The following DDC variants were observed in gnomAD, a reference collection of about 807,000 sequenced individuals.
The protein encoded by DDC is aromatic-L-amino-acid decarboxylase.
In DDC, 43 loss-of-function variants were observed where a neutral mutation model predicts 60.0. The observed-to-expected ratio is 0.72, with a 90% CI of 0.56 to 0.92. The LOEUF is 0.92. Among genes scored for constraint, DDC ranks in the 40% least tolerant of loss-of-function variants. The pLI, the probability that DDC is intolerant of heterozygous loss-of-function variation, is 0.00. For synonymous variants in DDC, 232 were observed against 234.6 expected (o/e 0.99, Z 0.10); for missense variants, 573 against 620.2 (o/e 0.92, Z 0.81).
chr7:50,518,704 G>A (rs780398839), intron 6 of DDC, among the ~76,000 whole-genome samples: 10 of 152,148 alleles, frequency 6.6e-5, no homozygotes, highest in South Asian at 2.1e-4. Flanking sequence ...GAATGAAACC[G>A]CATCCTCATC....
At position 50,463,256 on chromosome 7, in the gene DDC, T is replaced by G; in HGVS notation, c.1418A>C (p.Asp473Ala). The G allele has an allele frequency of 6.2e-7, 1 of 1,613,874 alleles. No individual in the cohort carries two copies. The highest frequency in any genetic ancestry group is 8.5e-7 in the Non-Finnish European group (1 of 1,179,908). Reference protein sequence around the residue: ...AWEHIKELAADVLRAERE With the variant: ...AWEHIKELAAAVLRAERE ...CTACTCCCTCTCTGCTCGCAGCACG[T>G]CGGCCGCCAGCTCTTTGATGTGTTC... is the stretch of plus-strand genomic sequence containing the variant. Residue 473 changes from aspartate to alanine, a missense_variant, in exon 14 of 15, where the codon GAC (aspartate) becomes GCC (alanine). Physicochemically the swap from Asp to Ala is moderately radical, Grantham distance 126 (BLOSUM62 -2). Transcript: ENST00000444124.
intron 1 of DDC, among the ~76,000 whole-genome samples, chr7:50,559,444 T>TTTG (rs3071145): frequency 1.3e-5 from 2 of 149,952 alleles, no homozygotes; most frequent in East Asian, 3.9e-4. Context: ...TTTTTTTTTT[T>TTTG]GGAGACAGAG....
intron 6 of DDC, among the ~76,000 whole-genome samples, chr7:50,524,773 T>TA (rs1436185322): frequency 6.6e-6 from 1 of 152,160 alleles, no homozygotes; most frequent in Non-Finnish European, 1.5e-5. Context: ...GTTTCTTTGT[T>TA]AAAAAAATTA....
chr7:50,539,819 C>A (rs1341811977), intron 3 of DDC, 96 bp downstream of exon 3: 2 of 886,486 alleles, frequency 2.3e-6, no homozygotes, highest in Non-Finnish European at 3.7e-6. Flanking sequence ...GACAGCACCG[C>A]CATCTGCTCA....
chr7:50,534,802 C>T (rs1283790498), intron 4 of DDC, among the ~76,000 whole-genome samples: 1 of 152,208 alleles, frequency 6.6e-6, no homozygotes, highest in Non-Finnish European at 1.5e-5. Context: ...CACTGGGTCG[C>T]TGAGTGCTGC....
chr7:50,553,980 G>T (rs1192486626), intron 1 of DDC, among the ~76,000 whole-genome samples: 4 of 152,140 alleles, frequency 2.6e-5, no homozygotes, highest in Non-Finnish European at 5.9e-5. Flanking sequence ...TAAGACTCTG[G>T]TTACACAACA....
intron 1 of DDC, among the ~76,000 whole-genome samples, chr7:50,559,959 GA>G (rs1323617446): frequency 3.3e-5 from 5 of 152,232 alleles, no homozygotes; most frequent in African/African-American, 1.2e-4. Context: ...GCTGTGTGTA[GA>G]CGCCCACCTA....
At chr7:50,552,274 T>C (rs1434388194) in intron 1 of DDC, among the ~76,000 whole-genome samples, 2 of 152,236 alleles carry the variant, frequency 1.3e-5, no homozygotes, top group Non-Finnish European at 1.5e-5. Flanking sequence ...ACTTAGCCTA[T>C]GATAAAGGCT....
chr7:50,479,894 T>G, intron 9 of DDC, 31 bp from the exon 10 acceptor site: 1 of 1,583,144 alleles, frequency 6.3e-7, no homozygotes, highest in Non-Finnish European at 8.7e-7. Flanking sequence ...AAAGGGCTGA[T>G]AACCAAGTAC....
intron 1 of DDC, among the ~76,000 whole-genome samples, chr7:50,560,690 A>G (rs1237053867): frequency 6.6e-6 from 1 of 152,124 alleles, no homozygotes; most frequent in Non-Finnish European, 1.5e-5. Flanking sequence ...TCACTTAGTT[A>G]TGTTGCTGTC....
At chr7:50,490,523 A>T (rs190334826) in intron 9 of DDC, among the ~76,000 whole-genome samples, 21 of 152,168 alleles carry the variant, frequency 1.4e-4, no homozygotes, top group Non-Finnish European at 2.8e-4. Flanking sequence ...ACAAAAAATT[A>T]GGCAGGCGTG....
At chr7:50,494,206 T>C (rs2043070830) in intron 9 of DDC, among the ~76,000 whole-genome samples, 1 of 152,230 alleles carries the variant, frequency 6.6e-6, no homozygotes, top group African/African-American at 2.4e-5. Context: ...GGTATTATCA[T>C]GCTGTTATTA....
intron 9 of DDC, among the ~76,000 whole-genome samples, chr7:50,482,735 T>C (rs2042796996): frequency 1.3e-5 from 2 of 152,212 alleles, no homozygotes; most frequent in African/African-American, 2.4e-5. Flanking sequence ...ATTTTCTCCA[T>C]ATAAATCTGA....
chr7:50,460,526 G>A (rs1028951033), intron 14 of DDC, among the ~76,000 whole-genome samples: 20 of 151,590 alleles, frequency 1.3e-4, no homozygotes, highest in Admixed American at 5.2e-4. Context: ...CCTCTGCCCA[G>A]CCACCACCCC....
At chr7:50,491,555 A>T (rs537939833) in intron 9 of DDC, among the ~76,000 whole-genome samples, 2 of 152,300 alleles carry the variant, frequency 1.3e-5, no homozygotes, top group Admixed American at 1.3e-4. Flanking sequence ...GAAAATAAAA[A>T]CTTGGTGCCT....
intron 1 of DDC, among the ~76,000 whole-genome samples, chr7:50,555,682 C>A (rs956208053): frequency 6.6e-6 from 1 of 152,140 alleles, no homozygotes; most frequent in African/African-American, 2.4e-5. Flanking sequence ...GTGCCAAGAA[C>A]CACGTTAAGC....
At chr7:50,531,619 TTCAC>T (rs2044212119) in intron 4 of DDC, 1 of 151,860 alleles carries the variant, frequency 6.6e-6, no homozygotes, top group Non-Finnish European at 1.5e-5. Flanking sequence ...TAAGAGAAAA[TTCAC>T]CTTCTTAAGT....
chr7:50,480,028 G>A (rs182893278), intron 9 of DDC, 165 bp from the exon 10 acceptor site: 55 of 647,842 alleles, frequency 8.5e-5, no homozygotes, highest in East Asian at 2.5e-4. Context: ...TGGGGAGGGC[G>A]TCTTAGAATA....
rs764694910 is a variant in DDC at position 50,499,220 on chromosome 7, C to T, written c.804G>A (p.Leu268=). 23 of 1,613,458 alleles carry T rather than the reference C, an allele frequency of 1.4e-5. No individual in the cohort carries two copies. The highest frequency in any genetic ancestry group is 1.8e-5 in the Non-Finnish European group (21 of 1,179,824). The change falls in exon 8 of 15, where the codon CTG becomes CTA. Residue 268 remains leucine, a synonymous_variant. Coordinates refer to ENST00000444124, the MANE Select transcript of DDC (RefSeq NM_001082971.2). ...GPICNKEDIW[L]HVDAAYAGSA... ...TGCCTGCGTAGGCTGCATCAACGTG[C>T]AGCCATATGTCTTCCTTGTTGCCTA... is the stretch of plus-strand genomic sequence containing the variant.
Sources: allele counts gnomAD v4.1 joint callset (sites outside exome capture counted in the v4.1 genomes callset), GRCh38; gene constraint gnomAD v4.1.1; transcripts MANE v1.5; gene names NCBI Gene and HGNC (gene_info 2026-07-23, HGNC 2026-07-21).